TRAPPC10: variants seen among roughly 807,000 people sequenced by gnomAD.
TRAPPC10 encodes TRAPP 130 kDa subunit.
Under a neutral mutation model 125.5 loss-of-function variants are expected in TRAPPC10, and 23 were observed. The observed-to-expected ratio is 0.18, with a 90% CI of 0.13 to 0.26. The LOEUF is 0.26. Among genes scored for constraint, TRAPPC10 ranks in the 10% least tolerant of loss-of-function variants. The pLI, the probability that TRAPPC10 is intolerant of heterozygous loss-of-function variation, is 1.00. For synonymous variants in TRAPPC10, 509 were observed against 518.0 expected (o/e 0.98, Z 0.24); for missense variants, 1,123 against 1,308.4 (o/e 0.86, Z 2.19).
chr21:44,088,160 G>C (rs2038280067), intron 17 of TRAPPC10: 1 of 559,420 alleles, frequency 1.8e-6, no homozygotes, highest in Non-Finnish European at 3.2e-6. Context: ...TCAGTTCCAG[G>C]GGCCAGGGAG....
chr21:44,050,450 G>T (rs2035158123), intron 3 of TRAPPC10, among the ~76,000 whole-genome samples: 1 of 152,214 alleles, frequency 6.6e-6, no homozygotes, highest in African/African-American at 2.4e-5. Flanking sequence ...CTTGTAAGAG[G>T]TGGAGAGGCT....
rs773131217 is a variant in TRAPPC10, at chr21:44,082,922, G to C, written c.1858G>C (p.Val620Leu). 6.2e-7 allele frequency: 1 copy of C among 1,614,110 alleles called. No homozygotes were observed. The highest frequency in any genetic ancestry group is 8.5e-7 in the Non-Finnish European group (1 of 1,180,024). The change falls in exon 14 of 23, where the codon GTT (valine) becomes CTT (leucine). Residue 620 changes from valine to leucine, a missense_variant. Val to Leu is a conservative substitution (Grantham distance 32, BLOSUM62 1). Coordinates refer to ENST00000291574, the MANE Select transcript of TRAPPC10 (RefSeq NM_003274.5). The surrounding 1 kb of genome is among the most constrained non-coding windows in gnomAD (Gnocchi z 4.4). Reference protein sequence around the residue: ...ITMYSQMPVPVHVEQIVVNVH... With the variant: ...ITMYSQMPVPLHVEQIVVNVH... ...CATGTACAGCCAGATGCCTGTGCCT[G>C]TTCACGTGGAGCAGATTGTGGTCAA... is the stretch of plus-strand genomic sequence containing the variant.
At chr21:44,088,407 C>A (rs2838487) in intron 17 of TRAPPC10, 14,335 of 178,670 alleles carry the variant, frequency 0.08, 1,397 homozygotes, top group African/African-American at 0.24. Context: ...AGGATATCAG[C>A]TCATGGAATG....
At chr21:44,070,478 A>G (rs1003961774) in intron 7 of TRAPPC10, among the ~76,000 whole-genome samples, 15 of 152,324 alleles carry the variant, frequency 9.8e-5, no homozygotes, top group African/African-American at 3.6e-4. Context: ...ACGCTCTGCC[A>G]TTCAGTCTCA....
chr21:44,037,751 G>C, intron 2 of TRAPPC10, 41 bp from the exon 3 acceptor site: 1 of 1,598,260 alleles, frequency 6.3e-7, no homozygotes, highest in Non-Finnish European at 8.5e-7. Context: ...GATGAATGCT[G>C]TTTAGTTGTT....
intron 6 of TRAPPC10, among the ~76,000 whole-genome samples, chr21:44,060,426 G>A (rs761111346): frequency 5.7e-4 from 86 of 151,870 alleles, no homozygotes; most frequent in South Asian, 8.3e-4. Context: ...GACTACAGGC[G>A]CCTGCCACCA....
At chr21:44,033,659 A>G (rs1431365835) in intron 2 of TRAPPC10, among the ~76,000 whole-genome samples, 1 of 152,132 alleles carries the variant, frequency 6.6e-6, no homozygotes, top group African/African-American at 2.4e-5. Flanking sequence ...CTAGGAGTTC[A>G]AGACCGGCCT....
intron 2 of TRAPPC10, among the ~76,000 whole-genome samples, chr21:44,033,409 G>GT (rs1569151462): frequency 6.6e-6 from 1 of 152,098 alleles, no homozygotes; most frequent in Non-Finnish European, 1.5e-5. Flanking sequence ...TGTACAGAGT[G>GT]TAAGAGAAAA....
intron 10 of TRAPPC10, among the ~76,000 whole-genome samples, chr21:44,077,162 T>G (rs1446383072): frequency 6.6e-6 from 1 of 152,178 alleles, no homozygotes; most frequent in Non-Finnish European, 1.5e-5. Flanking sequence ...AGTTAGATGT[T>G]TTGGATGAGT....
chr21:44,023,497 T>C (rs1027243842), intron 1 of TRAPPC10, among the ~76,000 whole-genome samples: 6 of 152,190 alleles, frequency 3.9e-5, no homozygotes, highest in Admixed American at 3.3e-4. Flanking sequence ...GAGCAGGTTG[T>C]TCTCCCTTTG....
intron 1 of TRAPPC10, among the ~76,000 whole-genome samples, chr21:44,012,948 G>C (rs1235356027): frequency 6.6e-6 from 1 of 152,152 alleles, no homozygotes; most frequent in Non-Finnish European, 1.5e-5. Flanking sequence ...GGGCGGTTTT[G>C]CCCGCGGGCG....
At position 44,012,531 on chromosome 21, in the gene TRAPPC10, A is replaced by G; in HGVS notation, c.38A>G (p.Tyr13Cys). 1.3e-6 allele frequency: 2 copies of G among 1,534,772 alleles called. No homozygotes were observed. The highest frequency in any genetic ancestry group is 1.8e-6 in the Non-Finnish European group (2 of 1,139,036). The change falls in exon 1 of 23, where the codon TAC becomes TGC. Residue 13 changes from tyrosine to cysteine, a missense_variant. Tyr to Cys is a radical substitution (Grantham distance 194). Coordinates refer to ENST00000291574, the MANE Select transcript of TRAPPC10 (RefSeq NM_003274.5). ...GAGGAGCCGCTGCCGCCGGTGATCTACACCATGGAGAACAAGCCCATCGTC... is the reference window on the plus strand; with the variant it reads ...GAGGAGCCGCTGCCGCCGGTGATCTGCACCATGGAGAACAAGCCCATCGTC... Reference protein sequence around the residue: ...ASEEPLPPVIYTMENKPIVTC... With the variant: ...ASEEPLPPVICTMENKPIVTC...
chr21:44,038,912 C>G (rs970944042), intron 3 of TRAPPC10, among the ~76,000 whole-genome samples: 14 of 152,184 alleles, frequency 9.2e-5, no homozygotes, highest in African/African-American at 3.4e-4. Flanking sequence ...GAGATTTCCA[C>G]CGGGGAAGCC....
intron 10 of TRAPPC10, among the ~76,000 whole-genome samples, chr21:44,077,217 T>A (rs957948469): frequency 2.6e-5 from 4 of 152,226 alleles, no homozygotes; most frequent in African/African-American, 9.6e-5. Context: ...TATACACAGG[T>A]TACCAATTTT....
chr21:44,016,553 T>G (rs2031863246), intron 1 of TRAPPC10, among the ~76,000 whole-genome samples: 1 of 152,226 alleles, frequency 6.6e-6, no homozygotes, highest in African/African-American at 2.4e-5. Flanking sequence ...GGTCTGATAT[T>G]AGAAACTTTT....
intron 3 of TRAPPC10, chr21:44,047,154 T>C (rs1226374686): frequency 4.6e-6 from 2 of 431,502 alleles, no homozygotes; most frequent in Non-Finnish European, 8.8e-6. Context: ...TGCTTGGGGT[T>C]TATAGTTTTG....
chr21:44,022,694 T>A (rs1253972464), intron 1 of TRAPPC10, among the ~76,000 whole-genome samples: 1 of 152,100 alleles, frequency 6.6e-6, no homozygotes, highest in Non-Finnish European at 1.5e-5. Context: ...ACTGTTTGAA[T>A]TAGTATCCAA....
At chr21:44,086,334 C>G (rs1251485783) in intron 15 of TRAPPC10, among the ~76,000 whole-genome samples, 2 of 152,234 alleles carry the variant, frequency 1.3e-5, no homozygotes, top group East Asian at 3.8e-4. Context: ...GGGGAGCCAC[C>G]TGACTGCTGA....
At position 44,094,072 on chromosome 21, in the gene TRAPPC10, A is replaced by G. The variant is rs755751301; in HGVS notation, c.3007A>G (p.Ser1003Gly). The part of the protein sequence containing the change: ...LNTQSQQPIY[S>G]KQSVFFVWEL... ...CCAACTCTCTTTCCAGCCCATCTAC[A>G]GCAAGCAGTCGGTGTTCTTCGTCTG... The change falls in exon 20 of 23, where the codon AGC becomes GGC. Residue 1003 changes from serine to glycine, a missense_variant. Transcript: ENST00000291574. The G allele has an allele frequency of 1.2e-6, 2 of 1,613,520 alleles. No individual in the cohort carries two copies. Among genetic ancestry groups the G allele is most frequent in the South Asian group, 1.1e-5 (1 of 90,994 alleles).
Sources: gnomAD v4.1 joint callset for allele counts (sites outside exome capture counted in the v4.1 genomes callset) on GRCh38, gnomAD v4.1.1 for gene constraint, Gnocchi (gnomAD v3.1) non-coding constraint, MANE v1.5 for transcripts, NCBI Gene and HGNC (gene_info 2026-07-23, HGNC 2026-07-21) for gene names.